The following CEP128 variants were observed in gnomAD, a reference collection of about 807,000 sequenced individuals.
CEP128 encodes centrosomal protein 128kDa.
A neutral mutation model predicts 156.7 loss-of-function variants in CEP128; 132 were observed. That is an observed-to-expected ratio of 0.84 (90% CI 0.73 to 0.97). The LOEUF (loss-of-function observed/expected upper bound fraction) is 0.97, where lower values mean the gene tolerates loss of function less well. Among genes scored for constraint, CEP128 ranks in the 50% least tolerant of loss-of-function variants. The pLI is 0.00. For synonymous variants in CEP128, 469 were observed against 448.9 expected, an observed-to-expected ratio of 1.04 and a Z score of -0.57; for missense variants, 1,252 against 1,281.9, an observed-to-expected ratio of 0.98 and a Z score of 0.36.
rs184443159 is a variant in CEP128 at position 80,873,166 on chromosome 14, T to C, written c.646-10293A>G. On this transcript the variant is annotated intron_variant, in intron 8 of 24. Transcript: ENST00000555265. ...GTCCTCATGAGCTGGGCAGAGGGGA[T>C]AGCTGGGTAAACTAGCATGTTTTAT... Among the ~76,000 whole-genome samples the C allele has an allele frequency of 3.6e-4, 55 of 152,306 alleles. No individual in the cohort carries two copies. The South Asian group carries it at 7.2e-3, about 20-fold the overall frequency.
At chr14:80,895,870 A>C in intron 7 of CEP128, 80 bp from the exon 8 acceptor site, 1 of 959,314 alleles carries the variant, frequency 1.0e-6, no homozygotes, top group South Asian at 2.0e-5. Context: ...TAACATGATA[A>C]TTATGTTATT....
intron 18 of CEP128, among the ~76,000 whole-genome samples, chr14:80,753,976 G>A (rs1412878463): frequency 1.3e-5 from 2 of 152,054 alleles, no homozygotes; most frequent in Admixed American, 1.3e-4. Flanking sequence ...TCACTGTATG[G>A]GAAAAGCTTC....
chr14:80,933,595 A>T lies in CEP128; in HGVS notation c.-16+5790T>A, dbSNP rs149426059. On this transcript the variant is annotated intron_variant, in intron 2 of 24. Transcript: ENST00000555265. The stretch of plus-strand genomic sequence containing the variant: ...TGGTAAGCTAAATTTAGCCCATGGG[A>T]TATGGCTTATCAACCTCTGCTGTAT... Among the ~76,000 whole-genome samples the T allele has an allele frequency of 3.7e-3, 564 of 152,232 alleles. 3 individuals are homozygous for T. The highest frequency in any genetic ancestry group is 0.013 in the African/African-American group (525 of 41,532).
intron 21 of CEP128, among the ~76,000 whole-genome samples, chr14:80,555,777 C>A (rs1458409171): frequency 6.6e-6 from 1 of 152,084 alleles, no homozygotes; most frequent in Non-Finnish European, 1.5e-5. Flanking sequence ...ACTGCAAAAT[C>A]TATCATTTTC....
Position 80,530,803 on chromosome 14 carries a change from T to C in CEP128, c.2958+6A>G. ...TACTGAAAGAGACAAGCCAACTCTT[T>C]CTCACTCTGAAGTCTTTGAAATCTT... is the stretch of plus-strand genomic sequence containing the variant. On this transcript the variant is annotated splice_donor_region_variant and intron_variant, in intron 22 of 24. Coordinates refer to ENST00000555265, the MANE Select transcript of CEP128 (RefSeq NM_152446.5). The C allele has an allele frequency of 1.3e-6, 2 of 1,594,748 alleles. No individual in the cohort carries two copies. The highest frequency in any genetic ancestry group is 2.3e-5 in the South Asian group (2 of 87,522).
At chr14:80,642,678 AAG>A (rs374657845) in intron 19 of CEP128, among the ~76,000 whole-genome samples, 4 of 151,904 alleles carry the variant, frequency 2.6e-5, no homozygotes, top group Admixed American at 6.6e-5. Context: ...AACAAAGAAA[AAG>A]AGAGAGAGAG....
At chr14:80,657,229 C>G (rs1219157247) in intron 19 of CEP128, among the ~76,000 whole-genome samples, 1 of 151,584 alleles carries the variant, frequency 6.6e-6, no homozygotes, top group Non-Finnish European at 1.5e-5. Context: ...TGCGCTCCAG[C>G]CTGGGCAATA....
At chr14:80,578,583 G>A (rs1347755796) in intron 20 of CEP128, among the ~76,000 whole-genome samples, 1 of 152,138 alleles carries the variant, frequency 6.6e-6, no homozygotes, top group Non-Finnish European at 1.5e-5. Context: ...GCACAGCAAA[G>A]TTAATTGAGT....
At chr14:80,507,914 A>T (rs550516484) in intron 23 of CEP128, among the ~76,000 whole-genome samples, 4 of 152,124 alleles carry the variant, frequency 2.6e-5, no homozygotes, top group Non-Finnish European at 4.4e-5. Flanking sequence ...TAATAATTTA[A>T]TTTTTTTTGT....
At chr14:80,504,400 G>A (rs1459936133) in intron 24 of CEP128, among the ~76,000 whole-genome samples, 4 of 152,174 alleles carry the variant, frequency 2.6e-5, no homozygotes, top group Non-Finnish European at 4.4e-5. Flanking sequence ...AAGGAAGGGA[G>A]ACGGCAGGGA....
intron 8 of CEP128, among the ~76,000 whole-genome samples, chr14:80,866,991 T>G (rs1887797113): frequency 6.6e-6 from 1 of 152,224 alleles, no homozygotes; most frequent in African/African-American, 2.4e-5. Context: ...GACAGTAAAT[T>G]TGTTCATATC....
chr14:80,771,979 C>G (rs1297804641), intron 16 of CEP128, among the ~76,000 whole-genome samples: 2 of 152,264 alleles, frequency 1.3e-5, no homozygotes, highest in East Asian at 3.9e-4. Flanking sequence ...TGGGAGCTGA[C>G]CTTCTGTTTA....
At chr14:80,593,232 C>T (rs1393574000) in intron 19 of CEP128, among the ~76,000 whole-genome samples, 1 of 151,998 alleles carries the variant, frequency 6.6e-6, no homozygotes, top group African/African-American at 2.4e-5. Flanking sequence ...TTGCAGATGA[C>T]ATGATTGTTT....
chr14:80,787,817 T>C (rs1045148150), intron 14 of CEP128, among the ~76,000 whole-genome samples: 4 of 152,222 alleles, frequency 2.6e-5, no homozygotes, highest in Non-Finnish European at 5.9e-5. Context: ...TCTTTAATTA[T>C]GAAATATTAT....
chr14:80,948,452 C>T (rs1019396905), intron 2 of CEP128, among the ~76,000 whole-genome samples: 10 of 152,196 alleles, frequency 6.6e-5, no homozygotes, highest in African/African-American at 1.9e-4. Context: ...TCAAAGTGAG[C>T]CACTATTAAT....
chr14:80,914,201 C>T (rs2139493330), intron 4 of CEP128, 121 bp downstream of exon 4: 1 of 644,974 alleles, frequency 1.6e-6, no homozygotes, highest in Non-Finnish European at 2.8e-6. Flanking sequence ...AATAATAAAT[C>T]AGTTTAAAAT....
chr14:80,617,345 C>T (rs1893263935), intron 19 of CEP128, among the ~76,000 whole-genome samples: 1 of 148,960 alleles, frequency 6.7e-6, no homozygotes, highest in Non-Finnish European at 1.5e-5. Context: ...ATTCTCCTGC[C>T]TCAGCCTCCC....
chr14:80,643,011 C>T (rs1340942715), intron 19 of CEP128, among the ~76,000 whole-genome samples: 1 of 152,102 alleles, frequency 6.6e-6, no homozygotes, highest in Non-Finnish European at 1.5e-5. Context: ...GCCTCAGCCT[C>T]CCAAAGTGCT....
At chr14:80,874,711 G>A (rs921747580) in intron 8 of CEP128, among the ~76,000 whole-genome samples, 23 of 152,176 alleles carry the variant, frequency 1.5e-4, no homozygotes, top group South Asian at 2.1e-4. Flanking sequence ...TCCACCTCCC[G>A]GGTTCACGCC....
Sources: gnomAD v4.1 joint callset for allele counts (sites outside exome capture counted in the v4.1 genomes callset) on GRCh38, gnomAD v4.1.1 for gene constraint, MANE v1.5 for transcripts, NCBI Gene and HGNC (gene_info 2026-07-23, HGNC 2026-07-21) for gene names.